Variants in SPAG16 observed in about 807,000 individuals in gnomAD.
SPAG16 encodes sperm associated antigen 16.
Under a neutral mutation model 80.4 loss-of-function variants are expected in SPAG16, and 86 were observed. The ratio of observed to expected loss-of-function variants is 1.07; its 90% CI spans 0.90 to 1.28. The LOEUF is 1.28. Among genes scored for constraint, SPAG16 ranks in the 50% most tolerant of loss-of-function variants. SPAG16 has a pLI of 0.00. For synonymous variants in SPAG16, 294 were observed against 265.9 expected, an observed-to-expected ratio of 1.11 and a Z score of -1.03; for missense variants, 870 against 765.3, an observed-to-expected ratio of 1.14 and a Z score of -1.61.
chr2:214,410,060 G>T (rs1702213495), intron 15 of SPAG16, 80 bp from the exon 16 acceptor site: 6 of 1,484,074 alleles, frequency 4.0e-6, no homozygotes, highest in Non-Finnish European at 5.6e-6. Flanking sequence ...AAAATAGAAT[G>T]CTTCATTGCT....
intron 15 of SPAG16, among the ~76,000 whole-genome samples, chr2:214,195,747 G>A (rs1461086331): frequency 1.3e-5 from 2 of 151,952 alleles, no homozygotes; most frequent in African/African-American, 2.4e-5. Flanking sequence ...GTTGACACTT[G>A]GCAAGTCTGA....
intron 10 of SPAG16, among the ~76,000 whole-genome samples, chr2:213,595,819 C>G (rs2060867755): frequency 6.6e-6 from 1 of 151,962 alleles, no homozygotes; most frequent in South Asian, 2.1e-4. Context: ...AAATCACTAT[C>G]ATGAAAATTA....
At chr2:214,004,698 CTT>C (rs139890450) in intron 12 of SPAG16, among the ~76,000 whole-genome samples, 1,703 of 151,980 alleles carry the variant, frequency 0.011, 39 homozygotes, top group African/African-American at 0.039. Flanking sequence ...CAGGCAGGAT[CTT>C]AAATGGGGCT....
intron 15 of SPAG16, among the ~76,000 whole-genome samples, chr2:214,173,796 C>T (rs1328305635): frequency 6.6e-6 from 1 of 151,984 alleles, no homozygotes; most frequent in Non-Finnish European, 1.5e-5. Flanking sequence ...AGACCAATAT[C>T]CTTGATGAAC....
intron 12 of SPAG16, among the ~76,000 whole-genome samples, chr2:213,979,274 T>C (rs1410188321): frequency 6.6e-6 from 1 of 151,758 alleles, no homozygotes; most frequent in African/African-American, 2.4e-5. Flanking sequence ...TGTTGGGGGG[T>C]ATGGAATTAT....
chr2:214,102,783 G>A (rs2053140370), intron 13 of SPAG16, among the ~76,000 whole-genome samples: 1 of 105,480 alleles, frequency 9.5e-6, no homozygotes, highest in African/African-American at 3.7e-5. Flanking sequence ...AAAAGAGACC[G>A]AGACCGGGGC....
intron 10 of SPAG16, among the ~76,000 whole-genome samples, chr2:213,764,385 AC>A (rs370312485): frequency 1.7e-4 from 26 of 152,170 alleles, no homozygotes; most frequent in African/African-American, 6.3e-4. Flanking sequence ...GAAAAAAAAA[AC>A]CTGAGTAAAT....
chr2:214,265,492 A>AT (rs1691497759), intron 15 of SPAG16, among the ~76,000 whole-genome samples: 1 of 151,998 alleles, frequency 6.6e-6, no homozygotes, highest in Non-Finnish European at 1.5e-5. Flanking sequence ...TTTGTTGTAC[A>AT]TTTTGGATAT....
At chr2:213,793,989 C>A (rs1048223396) in intron 10 of SPAG16, among the ~76,000 whole-genome samples, 29 of 152,088 alleles carry the variant, frequency 1.9e-4, no homozygotes, top group Non-Finnish European at 4.1e-4. Flanking sequence ...GTCTTTTGTT[C>A]ACAAACATCA....
intron 9 of SPAG16, among the ~76,000 whole-genome samples, chr2:213,452,311 C>T (rs1575622944): frequency 6.6e-6 from 1 of 152,184 alleles, no homozygotes; most frequent in East Asian, 1.9e-4. Context: ...TGTAACACTA[C>T]CTTGGTACGT....
chr2:214,039,754 T>G (rs2048906897), intron 13 of SPAG16, among the ~76,000 whole-genome samples: 1 of 152,226 alleles, frequency 6.6e-6, no homozygotes, highest in Admixed American at 6.5e-5. Context: ...CTACCTTATT[T>G]TGCTTTGTTT....
At chr2:213,598,258 T>C (rs1488561271) in intron 10 of SPAG16, among the ~76,000 whole-genome samples, 1 of 152,206 alleles carries the variant, frequency 6.6e-6, no homozygotes, top group Non-Finnish European at 1.5e-5. Context: ...CAGTTTACTT[T>C]TCAGAGAACC....
chr2:213,810,852 A>G (rs975489988), intron 10 of SPAG16, among the ~76,000 whole-genome samples: 1 of 152,166 alleles, frequency 6.6e-6, no homozygotes, highest in African/African-American at 2.4e-5. Flanking sequence ...AAAATGTGTA[A>G]TAGATAATAT....
chr2:213,409,661 G>C (rs2068851828), intron 9 of SPAG16, among the ~76,000 whole-genome samples: 1 of 152,114 alleles, frequency 6.6e-6, no homozygotes. Flanking sequence ...TTAAAACTAA[G>C]TTTAACATTA....
At chr2:214,059,204 A>ATATGTATGTGTG (rs1321178335) in intron 13 of SPAG16, among the ~76,000 whole-genome samples, 5 of 85,516 alleles carry the variant, frequency 5.8e-5, no homozygotes, top group African/African-American at 1.9e-4. Context: ...ATATATATAT[A>ATATGTATGTGTG]TATATATATA....
chr2:214,220,549 C>A (rs1487884146), intron 15 of SPAG16, among the ~76,000 whole-genome samples: 1 of 152,110 alleles, frequency 6.6e-6, no homozygotes, highest in East Asian at 1.9e-4. Flanking sequence ...ACACCTCTCA[C>A]GTCCAATCAT....
At chr2:214,147,613 G>T (rs1162578880) in intron 14 of SPAG16, among the ~76,000 whole-genome samples, 2 of 152,118 alleles carry the variant, frequency 1.3e-5, no homozygotes, top group Non-Finnish European at 2.9e-5. Context: ...CCGATACTGA[G>T]AACTGTTCTT....
At chr2:214,084,044 G>A (rs984878434) in intron 13 of SPAG16, among the ~76,000 whole-genome samples, 1 of 149,936 alleles carries the variant, frequency 6.7e-6, no homozygotes, top group Admixed American at 6.7e-5. Flanking sequence ...ATACAGTTTT[G>A]AGAAAACCAT....
intron 10 of SPAG16, among the ~76,000 whole-genome samples, chr2:213,650,188 G>T (rs2062971825): frequency 6.6e-6 from 1 of 152,124 alleles, no homozygotes; most frequent in Non-Finnish European, 1.5e-5. Flanking sequence ...GAAATATACA[G>T]AGAAGGAAAT....
Sources: allele counts gnomAD v4.1 joint callset (sites outside exome capture counted in the v4.1 genomes callset), GRCh38; gene constraint gnomAD v4.1.1; transcripts MANE v1.5; gene names NCBI Gene and HGNC (gene_info 2026-07-23, HGNC 2026-07-21).